RANBP17: variants seen among roughly 807,000 people sequenced by gnomAD.
The protein encoded by RANBP17 is ran-binding protein 17.
RANBP17 carries 158 observed loss-of-function variants against 141.2 expected under a neutral mutation model. The ratio of observed to expected loss-of-function variants is 1.12; its 90% CI spans 0.98 to 1.28. The LOEUF (loss-of-function observed/expected upper bound fraction) is 1.28, where lower values mean the gene tolerates loss of function less well. Ranked by LOEUF, RANBP17 falls within the 50% of genes most tolerant of loss-of-function variation. The probability of loss-of-function intolerance (pLI) is 0.00; values close to 1 mark genes in which losing one functional copy is unlikely to be tolerated. For synonymous variants in RANBP17, 430 were observed against 450.0 expected, an observed-to-expected ratio of 0.96 and a Z score of 0.56; for missense variants, 1,438 against 1,290.7, an observed-to-expected ratio of 1.11 and a Z score of -1.75.
At chr5:171,037,911 T>G (rs1781987929) in intron 14 of RANBP17, among the ~76,000 whole-genome samples, 1 of 152,200 alleles carries the variant, frequency 6.6e-6, no homozygotes, top group Admixed American at 6.6e-5. Context: ...TTCAGGCTCT[T>G]TCTGTTCTGT....
intron 14 of RANBP17, among the ~76,000 whole-genome samples, chr5:171,135,398 A>G (rs1401426876): frequency 2.0e-5 from 3 of 152,200 alleles, no homozygotes; most frequent in Non-Finnish European, 4.4e-5. Flanking sequence ...ACTAATCTAG[A>G]AAATATTTCT....
At position 171,220,219 on chromosome 5, in the gene RANBP17, G is replaced by A. The variant is rs374254967; in HGVS notation, c.2340-1539G>A. 8.5e-5 allele frequency among the ~76,000 whole-genome samples: 13 copies of A among 152,194 alleles called. No individual in the cohort carries two copies. In the East Asian group the frequency reaches 2.3e-3, roughly 27 times the overall value. ...GTTTGCCTGGGTATCACCAGTGGAGGCTGCAGAACAGCAAATGTTGCTGCC... is the reference window on the plus strand; with the variant it reads ...GTTTGCCTGGGTATCACCAGTGGAGACTGCAGAACAGCAAATGTTGCTGCC... On this transcript the variant is annotated intron_variant, in intron 21 of 27. Transcript: ENST00000523189.
Position 171,241,100 on chromosome 5 carries a change from T to C in RANBP17, c.2595T>C (p.Ala865=). 1 of 1,613,750 alleles carries C rather than the reference T, an allele frequency of 6.2e-7. No individual in the cohort carries two copies. The highest frequency in any genetic ancestry group is 1.3e-5 in the African/African-American group (1 of 75,002). The change falls in exon 23 of 28, where the codon GCT becomes GCC. Residue 865 remains alanine, a synonymous_variant. Coordinates refer to ENST00000523189, the MANE Select transcript of RANBP17 (RefSeq NM_022897.5). ...ACCATTTTGACAATGTACTCCAGGC[T>C]TTTGTCAAAATGCTGCTGTCAGTGT... is the stretch of plus-strand genomic sequence containing the variant. ...GDNHFDNVLQ[A]FVKMLLSVSH... is the part of the protein sequence containing the mutation.
rs990869465 is a variant in RANBP17, at chr5:171,127,213, A to T, written c.1711-42917A>T. On this transcript the variant is annotated intron_variant, in intron 14 of 27. Coordinates refer to ENST00000523189, the MANE Select transcript of RANBP17 (RefSeq NM_022897.5). ...GTGATACATCACATCAACAGAATGA[A>T]GGGCAAAAGCCATATGAACCTCTCA... 3.9e-5 allele frequency among the ~76,000 whole-genome samples: 6 copies of T among 152,360 alleles called. No homozygotes were observed. In the Middle Eastern group the frequency reaches 0.014, roughly 345 times the overall value.
chr5:170,913,038 A>G (rs9284982), intron 7 of RANBP17, among the ~76,000 whole-genome samples: 92,972 of 151,832 alleles, frequency 0.61, 29,864 homozygotes, highest in South Asian at 0.9. Context: ...GCAGCACTGA[A>G]AGCTAGAAAA....
chr5:171,289,877 A>G (rs1419500445), intron 25 of RANBP17, among the ~76,000 whole-genome samples: 2 of 151,716 alleles, frequency 1.3e-5, no homozygotes. Flanking sequence ...TAAAAATACA[A>G]AAATTAGCCA....
chr5:171,011,799 C>T (rs933612710), intron 14 of RANBP17, among the ~76,000 whole-genome samples: 2 of 151,590 alleles, frequency 1.3e-5, no homozygotes, highest in African/African-American at 4.8e-5. Flanking sequence ...ATACATAGTT[C>T]CTAGTTGTTT....
intron 14 of RANBP17, among the ~76,000 whole-genome samples, chr5:171,078,134 C>CTT (rs11331471): frequency 2.4e-5 from 3 of 122,804 alleles, no homozygotes; most frequent in African/African-American, 2.9e-5. Flanking sequence ...TCTTTTCTTT[C>CTT]TTTTTTTTTT....
rs79152466 is a variant in RANBP17, at chr5:171,294,594, G to T, written c.3042+613G>T. On this transcript the variant is annotated intron_variant, in intron 26 of 27. Coordinates refer to ENST00000523189, the MANE Select transcript of RANBP17 (RefSeq NM_022897.5). ...AAAAAGACAGTGAGATTAGAGGCAG[G>T]TGCATGCATTAAAATTCAAACTAAA... Among the ~76,000 whole-genome samples the T allele has an allele frequency of 2.0e-5, 3 of 152,324 alleles. No individual in the cohort carries two copies. In the East Asian group the frequency reaches 5.8e-4, roughly 29 times the overall value.
At chr5:170,878,488 G>A (rs936510813) in intron 2 of RANBP17, among the ~76,000 whole-genome samples, 1 of 151,938 alleles carries the variant, frequency 6.6e-6, no homozygotes, top group Non-Finnish European at 1.5e-5. Flanking sequence ...GATTACTATT[G>A]GTCTCTTTTT....
At chr5:171,267,001 CT>C (rs1408885318) in intron 25 of RANBP17, among the ~76,000 whole-genome samples, 1 of 149,468 alleles carries the variant, frequency 6.7e-6, no homozygotes, top group Non-Finnish European at 1.5e-5. Context: ...TTTTTTATGG[CT>C]ATACCATCAC....
rs1764947733 is a variant in RANBP17 at position 171,242,567 on chromosome 5, C to A, written c.2638-115C>A. 5 of 1,071,870 alleles carry A rather than the reference C, an allele frequency of 4.7e-6. No homozygotes were observed. The East Asian group carries it at 9.5e-5, about 20-fold the overall frequency. 66.4% of individuals were successfully genotyped at this position (1,071,870 alleles called of 1,614,324 possible). On this transcript the variant is annotated intron_variant, in intron 23 of 27. Coordinates refer to ENST00000523189, the MANE Select transcript of RANBP17 (RefSeq NM_022897.5). ...GTCATTTGCTCTATATATTTATTGA[C>A]CTTGTGTTTAAATAAGTTTACAATT...
chr5:171,016,138 A>G (rs1050387782), intron 14 of RANBP17, among the ~76,000 whole-genome samples: 11 of 149,914 alleles, frequency 7.3e-5, no homozygotes, highest in Admixed American at 5.3e-4. Flanking sequence ...GGGCAATCCC[A>G]GGGCTCACCC....
chr5:171,249,948 A>G (rs912984955), intron 24 of RANBP17, among the ~76,000 whole-genome samples: 2 of 152,232 alleles, frequency 1.3e-5, no homozygotes, highest in East Asian at 1.9e-4. Context: ...GGTCTTTTCC[A>G]TGGTACATTA....
At chr5:171,264,499 A>G (rs1766539495) in intron 24 of RANBP17, among the ~76,000 whole-genome samples, 1 of 152,158 alleles carries the variant, frequency 6.6e-6, no homozygotes, top group South Asian at 2.1e-4. Flanking sequence ...GTGACAATGG[A>G]CAAGTCACCT....
intron 24 of RANBP17, among the ~76,000 whole-genome samples, chr5:171,247,622 TCATC>T (rs1259970780): frequency 3.3e-5 from 5 of 152,180 alleles, no homozygotes; most frequent in Admixed American, 6.5e-5. Context: ...ATCTTTTTAA[TCATC>T]CATCCATTCT....
At chr5:170,900,063 G>A (rs2112407) in intron 5 of RANBP17, among the ~76,000 whole-genome samples, 91,387 of 151,916 alleles carry the variant, frequency 0.6, 29,191 homozygotes, top group South Asian at 0.88. Context: ...CTCTTTTTCT[G>A]TTGATTGAAA....
At chr5:170,903,954 C>T in intron 5 of RANBP17, 1 of 505,878 alleles carries the variant, frequency 2.0e-6, no homozygotes, top group Middle Eastern at 6.8e-4. Flanking sequence ...CCTAACACCT[C>T]TATACACACT....
chr5:171,142,483 A>T (rs1757771295), intron 14 of RANBP17, among the ~76,000 whole-genome samples: 1 of 152,168 alleles, frequency 6.6e-6, no homozygotes, highest in South Asian at 2.1e-4. Flanking sequence ...CCTATCCTTT[A>T]TAGATAAGAT....
Sources: allele counts gnomAD v4.1 joint callset (sites outside exome capture counted in the v4.1 genomes callset), GRCh38; gene constraint gnomAD v4.1.1; transcripts MANE v1.5; gene names NCBI Gene and HGNC (gene_info 2026-07-23, HGNC 2026-07-21).